Variants in GPM6B observed in about 807,000 individuals in gnomAD.
GPM6B encodes the protein glycoprotein M6B.
Under a neutral mutation model 27.2 loss-of-function variants are expected in GPM6B, and 4 were observed. The ratio of observed to expected loss-of-function variants is 0.15; its 90% CI spans 0.07 to 0.34. The LOEUF (loss-of-function observed/expected upper bound fraction) is 0.34, where lower values mean the gene tolerates loss of function less well. Among genes scored for constraint, GPM6B ranks in the 10% least tolerant of loss-of-function variants. The pLI, the probability that GPM6B is intolerant of heterozygous loss-of-function variation, is 1.00. For missense variants in GPM6B, 183 were observed against 261.9 expected (o/e 0.70, Z 2.08); for synonymous variants, 124 against 103.1 (o/e 1.20, Z -1.23).
chrX:13,883,904 G>A (rs1051087024), intron 1 of GPM6B, among the ~76,000 whole-genome samples: 2 of 110,609 alleles, frequency 1.8e-5, no homozygotes, highest in East Asian at 2.8e-4. Context: ...ACGGCCAGGC[G>A]TGGTAGCTCA....
chrX:13,866,350 T>C (rs1253490498), intron 1 of GPM6B, among the ~76,000 whole-genome samples: 4 of 111,549 alleles, frequency 3.6e-5, no homozygotes, highest in South Asian at 7.6e-4. Flanking sequence ...GCAACAAGAG[T>C]GAAACTCCGT....
chrX:13,800,195 G>C (rs1347469316), intron 2 of GPM6B, among the ~76,000 whole-genome samples: 1 of 111,656 alleles, frequency 9.0e-6, no homozygotes, highest in Non-Finnish European at 1.9e-5. Flanking sequence ...AAAAAATCAA[G>C]GGAGGTTTTA....
chrX:13,927,659 AT>A, intron 1 of GPM6B, among the ~76,000 whole-genome samples: 1 of 112,616 alleles, frequency 8.9e-6, no homozygotes, highest in African/African-American at 3.2e-5. Context: ...CAGGAAACTA[AT>A]TGGGAGGAGG....
intron 1 of GPM6B, among the ~76,000 whole-genome samples, chrX:13,883,902 G>A (rs1380221896): frequency 9.0e-6 from 1 of 110,877 alleles, no homozygotes; most frequent in African/African-American, 3.3e-5. Flanking sequence ...TCACGGCCAG[G>A]CGTGGTAGCT....
intron 1 of GPM6B, among the ~76,000 whole-genome samples, chrX:13,850,733 G>A (rs1403377590): frequency 8.9e-6 from 1 of 112,343 alleles, no homozygotes; most frequent in Non-Finnish European, 1.9e-5. Context: ...AATGGAAGAC[G>A]TCAATGAAAC....
chrX:13,839,652 G>A (rs1441176828), intron 1 of GPM6B, among the ~76,000 whole-genome samples: 3 of 111,228 alleles, frequency 2.7e-5, no homozygotes, highest in Admixed American at 9.6e-5. Flanking sequence ...CCTGTTAAGT[G>A]ATGTTTCATT....
At chrX:13,781,501 T>C (rs2048515552) in intron 4 of GPM6B, among the ~76,000 whole-genome samples, 1 of 112,018 alleles carries the variant, frequency 8.9e-6, no homozygotes, top group South Asian at 3.8e-4. Flanking sequence ...CTGAGGCTCA[T>C]GTGAGACAAA....
At chrX:13,870,122 AGAG>A (rs1053986439) in intron 1 of GPM6B, among the ~76,000 whole-genome samples, 5 of 112,189 alleles carry the variant, frequency 4.5e-5, no homozygotes, top group Admixed American at 1.9e-4. Flanking sequence ...GAAGGAAACC[AGAG>A]TAGTAATACT....
At chrX:13,861,262 G>C (rs1477267854) in intron 1 of GPM6B, among the ~76,000 whole-genome samples, 1 of 110,616 alleles carries the variant, frequency 9.0e-6, no homozygotes, top group Non-Finnish European at 1.9e-5. Flanking sequence ...AAACTGTGCT[G>C]CTATAAACAT....
chrX:13,912,662 G>A (rs1324642660), intron 1 of GPM6B, among the ~76,000 whole-genome samples: 1 of 112,154 alleles, frequency 8.9e-6, no homozygotes, highest in Non-Finnish European at 1.9e-5. Flanking sequence ...AGAGAGAACT[G>A]CTCAGGCAAT....
At chrX:13,824,134 A>T (rs1474851057) in intron 1 of GPM6B, among the ~76,000 whole-genome samples, 1 of 111,760 alleles carries the variant, frequency 8.9e-6, no homozygotes, top group Non-Finnish European at 1.9e-5. Flanking sequence ...GGCATTGTGG[A>T]TGTGTAACAG....
At chrX:13,888,267 A>G (rs2050156215) in intron 1 of GPM6B, among the ~76,000 whole-genome samples, 1 of 112,534 alleles carries the variant, frequency 8.9e-6, no homozygotes, top group South Asian at 3.7e-4. Context: ...AAAGGCTTTC[A>G]ATCATAACAG....
intron 1 of GPM6B, among the ~76,000 whole-genome samples, chrX:13,874,946 C>T (rs750731495): frequency 3.2e-4 from 32 of 99,889 alleles, no homozygotes; most frequent in Non-Finnish European, 5.4e-4. Flanking sequence ...ATCCCCCCCC[C>T]ACCCCCGCTT....
chrX:13,783,307 C>A, intron 4 of GPM6B, 58 bp downstream of exon 4: 1 of 1,012,782 alleles, frequency 9.9e-7, no homozygotes, highest in Non-Finnish European at 1.3e-6. Flanking sequence ...CAAGGAAATA[C>A]ATCAAGGCAT....
intron 1 of GPM6B, among the ~76,000 whole-genome samples, chrX:13,896,379 A>G (rs2050232688): frequency 9.2e-6 from 1 of 108,627 alleles, no homozygotes; most frequent in African/African-American, 3.4e-5. Flanking sequence ...GTGTGAAATC[A>G]TATCCTGCAC....
rs377760826 is a variant in GPM6B, at chrX:13,878,256, GT to G, written c.-198+60070del. Among the ~76,000 whole-genome samples, 401 of 100,392 alleles carry G rather than the reference GT, an allele frequency of 4.0e-3. 1 individual carries two copies. Among genetic ancestry groups the G allele is most frequent in the Middle Eastern group, 1.0e-2 (2 of 201 alleles). 87.2% of individuals were successfully genotyped at this position (100,392 alleles called of 115,157 possible). ...ATAGTAACTGATTAGAGACAAGAAGGTTTTTTTTTTTTTTCCTCTCCCCTAC... is the reference window on the plus strand; with the variant it reads ...ATAGTAACTGATTAGAGACAAGAAGGTTTTTTTTTTTTTCCTCTCCCCTAC... On this transcript the variant is annotated intron_variant, in intron 1 of 6. Coordinates refer to the GPM6B transcript ENST00000398361.
chrX:13,856,561 C>T (rs1203917081), intron 1 of GPM6B, among the ~76,000 whole-genome samples: 2 of 112,136 alleles, frequency 1.8e-5, no homozygotes, highest in African/African-American at 6.5e-5. Flanking sequence ...TTATTAGTTT[C>T]CTATGGCTGT....
At position 13,784,652 on chromosome X, in the gene GPM6B, A is replaced by AAG. The variant is rs201710032; in HGVS notation, c.368+968_368+969dup. Among the ~76,000 whole-genome samples, 693 of 111,910 alleles carry AAG rather than the reference A, an allele frequency of 6.2e-3. 4 individuals carry two copies. The highest frequency in any genetic ancestry group is 0.022 in the African/African-American group (662 of 30,752). On this transcript the variant is annotated intron_variant, in intron 3 of 7. Coordinates refer to ENST00000316715, the MANE Select transcript of GPM6B (RefSeq NM_001001995.3). ...CGGTAGAAGGAAATGGAGAAAGGGG[A>AAG]AGACATGTGAAGGAAATAAGTAGAT...
chrX:13,833,582 T>C (rs1169590786), intron 1 of GPM6B, among the ~76,000 whole-genome samples: 7 of 92,914 alleles, frequency 7.5e-5, no homozygotes, highest in Non-Finnish European at 1.2e-4. Context: ...AGAAAAAAAA[T>C]TAGCTAGGCT....
Sources: gnomAD v4.1 joint callset for allele counts (sites outside exome capture counted in the v4.1 genomes callset) on GRCh38, gnomAD v4.1.1 for gene constraint, MANE v1.5 for transcripts, NCBI Gene and HGNC (gene_info 2026-07-23, HGNC 2026-07-21) for gene names.